Variants in PCDHGA6 observed in about 807,000 individuals in gnomAD.
PCDHGA6 encodes protocadherin gamma-A6.
PCDHGA6 carries 41 observed loss-of-function variants against 60.6 expected under a neutral mutation model. The observed-to-expected ratio is 0.68, with a 90% CI of 0.53 to 0.88. The LOEUF (loss-of-function observed/expected upper bound fraction) is 0.88. Ranked by LOEUF, PCDHGA6 falls within the 40% of genes least tolerant of loss-of-function variation. The pLI is 0.00. For missense variants in PCDHGA6, 1,312 were observed against 1,203.0 expected (o/e 1.09, Z -1.34); for synonymous variants, 594 against 524.4 (o/e 1.13, Z -1.81).
At position 141,485,632 on chromosome 5, in the gene PCDHGA6, G is replaced by C; in HGVS notation, c.2425-9175G>C. 6.2e-7 allele frequency: 1 copy of C among 1,611,766 alleles called. No individual in the cohort carries two copies. The highest frequency in any genetic ancestry group is 8.5e-7 in the Non-Finnish European group (1 of 1,178,342). ...CAGCTCCTCCAGGACAGCGTTTCCC[G>C]TTGGAAAAGGCTCAGGATGCAGATG... is the stretch of plus-strand genomic sequence containing the variant. On this transcript the variant is annotated intron_variant, in intron 1 of 3. Coordinates refer to ENST00000517434, the MANE Select transcript of PCDHGA6 (RefSeq NM_018919.3). This position sits in a 1 kb window ranked among gnomAD's most constrained non-coding sequence, Gnocchi z 5.7.
At chr5:141,405,094 C>T (rs1289372327) in intron 1 of PCDHGA6, 4 of 1,613,840 alleles carry the variant, frequency 2.5e-6, no homozygotes, top group Non-Finnish European at 3.4e-6. Flanking sequence ...TGCTGGCCCT[C>T]AGGCTGAGGC....
rs1316048031 is a variant in PCDHGA6 at position 141,374,758 on chromosome 5, C to A, written c.675C>A (p.Val225=). 1.9e-6 allele frequency: 3 copies of A among 1,613,200 alleles called. No individual in the cohort carries two copies. Among genetic ancestry groups the A allele is most frequent in the Non-Finnish European group, 2.5e-6 (3 of 1,179,550 alleles). Residue 225 remains valine (V), a synonymous_variant, in exon 1 of 4, where the codon GTC becomes GTA. Transcript: ENST00000517434. ...MDGGDPVRSS[V]AQILVTVLDV... ...GCGGCGACCCTGTCCGCTCAAGCGT[C>A]GCCCAAATTCTGGTAACAGTTCTAG...
intron 1 of PCDHGA6, chr5:141,419,517 G>A: frequency 6.2e-7 from 1 of 1,612,224 alleles, no homozygotes; most frequent in South Asian, 1.1e-5. Context: ...GTGTTGGTGG[G>A]CGACCGTAAC....
rs891549331 is a variant in PCDHGA6 at position 141,375,656 on chromosome 5, T to C, written c.1573T>C (p.Leu525=). The change falls in exon 1 of 4, where the codon TTG becomes CTG. Residue 525 remains leucine (L), a synonymous_variant. Transcript: ENST00000517434. ...YALRSFDYEQ[L]RDLQLWVTAS... ...CCTGCGCTCCTTCGACTATGAGCAG[T>C]TGAGAGACCTACAGCTGTGGGTGAC... The C allele has an allele frequency of 1.2e-6, 2 of 1,614,080 alleles. No individual in the cohort carries two copies. The highest frequency in any genetic ancestry group is 1.7e-6 in the Non-Finnish European group (2 of 1,180,044).
chr5:141,380,851 A>G (rs1341551183), intron 1 of PCDHGA6, among the ~76,000 whole-genome samples: 1 of 152,282 alleles, frequency 6.6e-6, no homozygotes, highest in Admixed American at 6.5e-5. Flanking sequence ...ATGGATCAAG[A>G]CATTGAGAGC....
chr5:141,393,690 C>T (rs779487285), intron 1 of PCDHGA6: 4 of 1,613,752 alleles, frequency 2.5e-6, no homozygotes, highest in Non-Finnish European at 2.5e-6. Context: ...TCCGTTATTC[C>T]AGCTTAATGA....
intron 1 of PCDHGA6, chr5:141,417,624 G>A (rs2096138947): frequency 1.5e-6 from 1 of 672,584 alleles, no homozygotes; most frequent in Non-Finnish European, 2.4e-6. Flanking sequence ...CAGAGCAAGC[G>A]CTGACGCCGG....
At position 141,511,462 on chromosome 5, in the gene PCDHGA6, C is replaced by A. The variant is rs1385398410; in HGVS notation, c.*289C>A. ...AGACACCAAGAACCATTTGCCACAC[C>A]CCGTTTAGTTACAGCTGAACTCCTC... On this transcript the variant is annotated 3_prime_UTR_variant, in exon 4 of 4. Coordinates refer to ENST00000517434, the MANE Select transcript of PCDHGA6 (RefSeq NM_018919.3). The A allele has an allele frequency of 4.7e-5, 26 of 556,350 alleles. No individual in the cohort carries two copies. Among genetic ancestry groups the A allele is most frequent in the Non-Finnish European group, 9.1e-6 (3 of 329,202 alleles). 34.5% of individuals were successfully genotyped at this position (556,350 alleles called of 1,614,324 possible). A position where few individuals can be genotyped will look rare whatever the true frequency, so the allele number is the denominator to read the frequency against.
rs2099883775 is a variant in PCDHGA6 at position 141,511,415 on chromosome 5, A to G, written c.*242A>G. On this transcript the variant is annotated 3_prime_UTR_variant, in exon 4 of 4. Transcript: ENST00000517434. ...CCCCATCCAATCAACTGCTGTACCC[A>G]TGGGGGTAGTGGGGTTACTGTAGAC... 1.2e-6 allele frequency: 1 copy of G among 868,992 alleles called. No individual in the cohort carries two copies. The highest frequency in any genetic ancestry group is 2.9e-5 in the East Asian group (1 of 34,592). The allele number at this position is 868,992 out of a possible 1,614,324, so 53.8% of individuals were successfully genotyped here.
chr5:141,453,680 A>G (rs1466590010), intron 1 of PCDHGA6, among the ~76,000 whole-genome samples: 1 of 152,220 alleles, frequency 6.6e-6, no homozygotes, highest in Non-Finnish European at 1.5e-5. Context: ...GTAACACACT[A>G]TGTAGGTAGT....
Position 141,423,358 on chromosome 5 carries a change from G to A in PCDHGA6, c.2424+46851G>A, listed in dbSNP as rs202010010. The A allele has an allele frequency of 2.3e-4, 371 of 1,614,078 alleles. 1 individual carries two copies. The highest frequency in any genetic ancestry group is 2.8e-4 in the Non-Finnish European group (334 of 1,180,024). ...CTGCATCTTCCTGGTCTTTGTCATC[G>A]TGCTGCTGGCACTCAGGCTGTGGCG... On this transcript the variant is annotated intron_variant, in intron 1 of 3. Coordinates refer to ENST00000517434, the MANE Select transcript of PCDHGA6 (RefSeq NM_018919.3).
At chr5:141,425,159 G>T (rs557552439) in intron 1 of PCDHGA6, among the ~76,000 whole-genome samples, 1 of 152,244 alleles carries the variant, frequency 6.6e-6, no homozygotes, top group Non-Finnish European at 1.5e-5. Context: ...AGCATCTAGG[G>T]ATAGGATTTA....
chr5:141,399,813 G>T (rs985564503), intron 1 of PCDHGA6: 1 of 1,613,080 alleles, frequency 6.2e-7, no homozygotes, highest in Admixed American at 1.7e-5. Flanking sequence ...TGTACCCCGC[G>T]CTGGGTCCCG....
At chr5:141,420,625 T>C (rs1440415745) in intron 1 of PCDHGA6, among the ~76,000 whole-genome samples, 1 of 152,242 alleles carries the variant, frequency 6.6e-6, no homozygotes, top group Non-Finnish European at 1.5e-5. Flanking sequence ...CTTCATTTAC[T>C]CAATAAAGGA....
At chr5:141,376,666 TG>T in intron 1 of PCDHGA6, 159 bp downstream of exon 1, 2 of 712,058 alleles carry the variant, frequency 2.8e-6, no homozygotes, top group East Asian at 6.0e-5. Context: ...CTTGTTCAGG[TG>T]AGGGTATCGT....
At chr5:141,403,701 A>C in intron 1 of PCDHGA6, 2 of 1,613,934 alleles carry the variant, frequency 1.2e-6, no homozygotes, top group South Asian at 2.2e-5. Flanking sequence ...TACCGAGTTA[A>C]AGTCCTTGAG....
intron 1 of PCDHGA6, chr5:141,383,703 C>A: frequency 2.5e-6 from 4 of 1,613,964 alleles, no homozygotes; most frequent in Non-Finnish European, 3.4e-6. Flanking sequence ...ATGCTATCGA[C>A]CTGGACGAGG....
chr5:141,489,830 A>G lies in PCDHGA6; in HGVS notation c.2425-4977A>G, dbSNP rs760376311. On this transcript the variant is annotated intron_variant, in intron 1 of 3. Coordinates refer to ENST00000517434, the MANE Select transcript of PCDHGA6 (RefSeq NM_018919.3). The surrounding 1 kb of genome is among the most constrained non-coding windows in gnomAD (Gnocchi z 4.5). ...AAGCCATTCCCAGAGCTGGTGCTAG[A>G]GCAGCAGCTGGATCGTGAAGCCCAG... 1.9e-6 allele frequency: 3 copies of G among 1,614,200 alleles called. No individual in the cohort carries two copies. Among genetic ancestry groups the G allele is most frequent in the East Asian group, 2.2e-5 (1 of 44,878 alleles).
At position 141,487,653 on chromosome 5, in the gene PCDHGA6, A is replaced by C. The variant is rs1033173132; in HGVS notation, c.2425-7154A>C. The C allele has an allele frequency of 3.1e-6, 5 of 1,613,794 alleles. No individual in the cohort carries two copies. Among genetic ancestry groups the C allele is most frequent in the Non-Finnish European group, 4.2e-6 (5 of 1,179,926 alleles). ...CAGGCTCAACAAATGCTTGAGGGTT[A>C]TTCTGATCCAGGCATATGGCTAGGC... On this transcript the variant is annotated intron_variant, in intron 1 of 3. Transcript: ENST00000517434. This position sits in a 1 kb window ranked among gnomAD's most constrained non-coding sequence, Gnocchi z 5.0.
Sources: gnomAD v4.1 joint callset for allele counts (sites outside exome capture counted in the v4.1 genomes callset) on GRCh38, gnomAD v4.1.1 for gene constraint, Gnocchi (gnomAD v3.1) non-coding constraint, MANE v1.5 for transcripts, NCBI Gene and HGNC (gene_info 2026-07-23, HGNC 2026-07-21) for gene names.